The following SHTN1 variants were observed in gnomAD, a reference collection of about 807,000 sequenced individuals.
The protein encoded by SHTN1 is shootin 1.
A neutral mutation model predicts 83.1 loss-of-function variants in SHTN1; 42 were observed. That is an observed-to-expected ratio of 0.51 (90% CI 0.39 to 0.65). The LOEUF (loss-of-function observed/expected upper bound fraction) is 0.65, where lower values mean the gene tolerates loss of function less well. Among genes scored for constraint, SHTN1 ranks in the 30% least tolerant of loss-of-function variants. The probability of loss-of-function intolerance (pLI) is 0.00; values close to 1 mark genes in which losing one functional copy is unlikely to be tolerated. For synonymous variants in SHTN1, 224 were observed against 247.7 expected (o/e 0.90, Z 0.90); for missense variants, 622 against 737.8 (o/e 0.84, Z 1.82).
intron 9 of SHTN1, among the ~76,000 whole-genome samples, chr10:116,935,365 T>C (rs903441840): frequency 1.3e-5 from 2 of 152,232 alleles, no homozygotes; most frequent in East Asian, 3.8e-4. Context: ...CTAAGACTTT[T>C]TAGCATGAAG....
At position 116,931,288 on chromosome 10, in the gene SHTN1, G is replaced by A. The variant is rs180712494; in HGVS notation, c.859-1286C>T. 3.6e-3 allele frequency among the ~76,000 whole-genome samples: 549 copies of A among 151,846 alleles called. 6 individuals are homozygous for A. The highest frequency in any genetic ancestry group is 0.012 in the African/African-American group (516 of 41,404). On this transcript the variant is annotated intron_variant, in intron 9 of 16. Coordinates refer to ENST00000355371, the MANE Select transcript of SHTN1 (RefSeq NM_001127211.3). ...TTCTGAGATAGAGTCTCACTCTTTC[G>A]GCCAGGCTGGAGTGCAGTGGCGCGA...
At chr10:117,084,970 G>T (rs573102723) in intron 1 of SHTN1, among the ~76,000 whole-genome samples, 4 of 152,256 alleles carry the variant, frequency 2.6e-5, no homozygotes, top group Admixed American at 2.6e-4. Context: ...CGGTACCTCA[G>T]ATGGAAATGC....
intron 1 of SHTN1, among the ~76,000 whole-genome samples, chr10:116,998,614 A>G (rs1255611003): frequency 6.6e-6 from 1 of 152,208 alleles, no homozygotes; most frequent in African/African-American, 2.4e-5. Context: ...TCAGGCACCT[A>G]CTGCAGGTGT....
chr10:116,921,134 G>T (rs1848550069), intron 12 of SHTN1, among the ~76,000 whole-genome samples: 1 of 152,056 alleles, frequency 6.6e-6, no homozygotes, highest in African/African-American at 2.4e-5. Context: ...AAGAAGTCTT[G>T]CCCCAAATCC....
In SHTN1 at chr10:116,885,375, T is replaced by C. The variant is rs891729431; in HGVS notation, c.*969A>G. ...CATAAGTTTTTTTTTTAATCCCTGA[T>C]TACATTTCTATTTATTCACTGTGGT... On this transcript the variant is annotated 3_prime_UTR_variant, in exon 17 of 17. Transcript: ENST00000355371. 6 of 152,632 alleles carry C rather than the reference T, an allele frequency of 3.9e-5. No individual in the cohort carries two copies. The highest frequency in any genetic ancestry group is 1.4e-4 in the African/African-American group (6 of 41,456). 9.5% of individuals were successfully genotyped at this position (152,632 alleles called of 1,614,324 possible). A position where few individuals can be genotyped will look rare whatever the true frequency, so the allele number is the denominator to read the frequency against.
upstream of SHTN1, among the ~76,000 whole-genome samples, chr10:117,010,570 C>T (rs1209372530): frequency 6.6e-6 from 1 of 152,144 alleles, no homozygotes; most frequent in Non-Finnish European, 1.5e-5. Context: ...CACTTCCTAA[C>T]TCATTCTATG....
chr10:117,017,408 G>A (rs941123349), intron 2 of SHTN1, among the ~76,000 whole-genome samples: 1 of 150,002 alleles, frequency 6.7e-6, no homozygotes, highest in African/African-American at 2.5e-5. Context: ...GGAGAATGGC[G>A]TGAACCCGGG....
chr10:117,041,618 CT>C (rs1175379177), intron 2 of SHTN1, among the ~76,000 whole-genome samples: 2 of 152,154 alleles, frequency 1.3e-5, no homozygotes, highest in African/African-American at 4.8e-5. Flanking sequence ...CACCCTTTGT[CT>C]TGAAGAGTTA....
chr10:116,913,660 A>T (rs1799141769), intron 13 of SHTN1, among the ~76,000 whole-genome samples: 1 of 152,210 alleles, frequency 6.6e-6, no homozygotes, highest in Non-Finnish European at 1.5e-5. Flanking sequence ...GGTTTTGCTT[A>T]TTCTTTCCAT....
chr10:116,976,408 A>G lies in SHTN1; in HGVS notation c.111+2848T>C, dbSNP rs552719119. Among the ~76,000 whole-genome samples the G allele has an allele frequency of 3.3e-5, 5 of 152,300 alleles. No homozygotes were observed. The South Asian group carries it at 1.0e-3, about 32-fold the overall frequency. On this transcript the variant is annotated intron_variant, in intron 2 of 16. Coordinates refer to ENST00000355371, the MANE Select transcript of SHTN1 (RefSeq NM_001127211.3). ...GGGGACAAAGATAGTAGACATGTGG[A>G]AGGAAAAAATACCTTGCAATTTATT...
chr10:116,959,811 A>G (rs1451130627), intron 4 of SHTN1, among the ~76,000 whole-genome samples: 1 of 152,212 alleles, frequency 6.6e-6, no homozygotes, highest in Non-Finnish European at 1.5e-5. Flanking sequence ...CTTGGTTAGC[A>G]TTTTAACCAA....
intron 16 of SHTN1, among the ~76,000 whole-genome samples, chr10:116,899,506 G>GGTGT (rs370396879): frequency 0.05 from 6,167 of 124,476 alleles, 231 homozygotes; most frequent in African/African-American, 0.11. Context: ...GGCTGGGGCT[G>GGTGT]GTGTGTGTGT....
At chr10:116,942,177 A>C (rs951283285) in intron 8 of SHTN1, among the ~76,000 whole-genome samples, 35 of 151,968 alleles carry the variant, frequency 2.3e-4, no homozygotes, top group Admixed American at 2.3e-3. Flanking sequence ...TGATTTAATT[A>C]AAATGAATTG....
At chr10:117,117,552 A>G (rs539857193) in intron 1 of SHTN1, among the ~76,000 whole-genome samples, 6 of 152,316 alleles carry the variant, frequency 3.9e-5, no homozygotes, top group African/African-American at 1.4e-4. Flanking sequence ...GCTAAAACTT[A>G]TATGGAACCA....
chr10:117,087,025 A>G, intron 1 of SHTN1, among the ~76,000 whole-genome samples: 1 of 152,250 alleles, frequency 6.6e-6, no homozygotes, highest in East Asian at 1.9e-4. Context: ...AGTATGATTC[A>G]ATTTATTTGA....
chr10:116,963,196 C>T (rs988412097), intron 3 of SHTN1, among the ~76,000 whole-genome samples: 3 of 148,962 alleles, frequency 2.0e-5, no homozygotes, highest in Middle Eastern at 3.4e-3. Flanking sequence ...CTCAGCCTCC[C>T]GAGTAGCTGG....
At chr10:117,045,538 G>A (rs1852648699) in intron 2 of SHTN1, among the ~76,000 whole-genome samples, 1 of 146,902 alleles carries the variant, frequency 6.8e-6, no homozygotes, top group African/African-American at 2.7e-5. Flanking sequence ...AAGTCTTCAG[G>A]AAAGCCCATA....
intron 1 of SHTN1, among the ~76,000 whole-genome samples, chr10:117,078,555 G>C (rs185435355): frequency 6.6e-6 from 1 of 152,306 alleles, no homozygotes; most frequent in Admixed American, 6.5e-5. Flanking sequence ...CCTGATGTTT[G>C]CTGCACTGTG....
intron 8 of SHTN1, among the ~76,000 whole-genome samples, 165 bp downstream of exon 8, chr10:116,944,759 C>T (rs755876986): frequency 1.4e-4 from 21 of 152,044 alleles, no homozygotes; most frequent in Non-Finnish European, 3.1e-4. Flanking sequence ...GGCACGGTGG[C>T]GTGTGCCTGT....
Sources: allele counts gnomAD v4.1 joint callset (sites outside exome capture counted in the v4.1 genomes callset), GRCh38; gene constraint gnomAD v4.1.1; transcripts MANE v1.5; gene names NCBI Gene and HGNC (gene_info 2026-07-23, HGNC 2026-07-21).